Variants in ITSN2 observed in about 807,000 individuals in gnomAD.
ITSN2 encodes intersectin 2.
A neutral mutation model predicts 243.7 loss-of-function variants in ITSN2; 156 were observed. That is an observed-to-expected ratio of 0.64 (90% CI 0.56 to 0.73). The LOEUF is 0.73. ITSN2 is among the 30% of genes least tolerant of loss of function. The pLI, the probability that ITSN2 is intolerant of heterozygous loss-of-function variation, is 0.00. For synonymous variants in ITSN2, 703 were observed against 699.9 expected (o/e 1.00, Z -0.07); for missense variants, 1,801 against 1,996.1 (o/e 0.90, Z 1.86).
intron 16 of ITSN2, among the ~76,000 whole-genome samples, chr2:24,285,211 G>T (rs946182464): frequency 2.0e-5 from 3 of 152,068 alleles, no homozygotes; most frequent in African/African-American, 7.2e-5. Flanking sequence ...ATTTTTTAAA[G>T]AAATAATATA....
chr2:24,289,463 A>G (rs558854173), intron 15 of ITSN2, among the ~76,000 whole-genome samples: 1 of 152,300 alleles, frequency 6.6e-6, no homozygotes, highest in East Asian at 1.9e-4. Flanking sequence ...GTGTCCTACA[A>G]CTTTACTCAA....
chr2:24,216,001 C>T (rs1453329420), intron 32 of ITSN2, 48 bp downstream of exon 32: 2 of 1,457,276 alleles, frequency 1.4e-6, no homozygotes, highest in Non-Finnish European at 1.9e-6. Context: ...GTGCTGTTGC[C>T]TCCAGCCTCA....
At chr2:24,287,192 T>C (rs1420374097) in intron 15 of ITSN2, among the ~76,000 whole-genome samples, 1 of 150,084 alleles carries the variant, frequency 6.7e-6, no homozygotes, top group Non-Finnish European at 1.5e-5. Context: ...GCTATGCAAC[T>C]TGTTTTCAAT....
intron 1 of ITSN2, among the ~76,000 whole-genome samples, chr2:24,351,944 G>T (rs936422276): frequency 6.6e-6 from 1 of 151,896 alleles, no homozygotes; most frequent in African/African-American, 2.4e-5. Flanking sequence ...AATATAGAAG[G>T]GAAAAAATTG....
chr2:24,286,476 A>T (rs983029301), intron 15 of ITSN2, 125 bp from the exon 16 acceptor site: 4 of 719,806 alleles, frequency 5.6e-6, no homozygotes, highest in Non-Finnish European at 9.6e-6. Flanking sequence ...CACAATGCAG[A>T]CCAGTACAAG....
intron 33 of ITSN2, 30 bp from the exon 34 acceptor site, chr2:24,210,977 G>A (rs372639086): frequency 1.2e-6 from 2 of 1,610,072 alleles, no homozygotes; most frequent in East Asian, 2.2e-5. Context: ...GTCACATGGG[G>A]GAGCTGCGTC....
intron 1 of ITSN2, among the ~76,000 whole-genome samples, chr2:24,337,533 G>A (rs1191592395): frequency 1.4e-5 from 2 of 147,960 alleles, no homozygotes; most frequent in Non-Finnish European, 3.0e-5. Context: ...TGTATTTTTA[G>A]TAAAGACGGG....
Position 24,328,053 on chromosome 2 carries a change from A to G in ITSN2, c.30T>C (p.Asn10=). ...TGCCACAAGCACAAAGCTGCTTACC[A>G]TTCATAGCTGTGGGAAACTGAGCCA... The part of the protein sequence containing the change: MMAQFPTAM[N]GGPNMWAITS... Residue 10 remains asparagine, a splice_region_variant and synonymous_variant, in exon 2 of 40, where the codon AAT becomes AAC. Coordinates refer to ENST00000355123, the MANE Select transcript of ITSN2 (RefSeq NM_006277.3). 6.2e-7 allele frequency: 1 copy of G among 1,613,462 alleles called. No homozygotes were observed. The highest frequency in any genetic ancestry group is 8.5e-7 in the Non-Finnish European group (1 of 1,179,756).
Position 24,204,549 on chromosome 2 carries a change from C to CA in ITSN2, c.4763-132_4763-131insT. 1.4e-5 allele frequency: 11 copies of CA among 805,748 alleles called. No individual in the cohort carries two copies. Among genetic ancestry groups the CA allele is most frequent in the East Asian group, 2.5e-5 (1 of 39,398 alleles). 49.9% of individuals were successfully genotyped at this position (805,748 alleles called of 1,614,324 possible). ...AGACCATGGCAGCAGGAGCCGCTGC[C>CA]TGGGGCACCATATCCCTGTGGTCTA... On this transcript the variant is annotated intron_variant, in intron 38 of 39. Coordinates refer to ENST00000355123, the MANE Select transcript of ITSN2 (RefSeq NM_006277.3). This position sits in a 1 kb window ranked among gnomAD's most constrained non-coding sequence, Gnocchi z 5.1.
At chr2:24,206,292 A>AT (rs1558420142) in intron 37 of ITSN2, 3 of 433,358 alleles carry the variant, frequency 6.9e-6, no homozygotes, top group African/African-American at 4.2e-5. Flanking sequence ...AAAAAAACAC[A>AT]TAAAGAGCTG....
At chr2:24,208,810 C>T (rs942679557) in intron 36 of ITSN2, among the ~76,000 whole-genome samples, 1 of 152,200 alleles carries the variant, frequency 6.6e-6, no homozygotes, top group South Asian at 2.1e-4. Context: ...AGTGGGCTGT[C>T]GCCTGCGGGC....
intron 1 of ITSN2, among the ~76,000 whole-genome samples, chr2:24,353,340 A>C (rs1051864748): frequency 1.9e-4 from 29 of 152,352 alleles, no homozygotes; most frequent in African/African-American, 5.8e-4. Context: ...TCATGCCTGT[A>C]ATCCCAGCAC....
At chr2:24,357,964 G>T (rs2151961460) in intron 1 of ITSN2, among the ~76,000 whole-genome samples, 1 of 152,198 alleles carries the variant, frequency 6.6e-6, no homozygotes, top group South Asian at 2.1e-4. Flanking sequence ...GCCTAGGCTG[G>T]AGTGCAGTGG....
chr2:24,232,952 A>G (rs1303431247), intron 29 of ITSN2, among the ~76,000 whole-genome samples: 1 of 152,240 alleles, frequency 6.6e-6, no homozygotes, highest in African/African-American at 2.4e-5. Flanking sequence ...CAAAGCAATG[A>G]AAAAGCAAAC....
At chr2:24,291,745 C>T (rs1176139886) in intron 15 of ITSN2, among the ~76,000 whole-genome samples, 1 of 152,208 alleles carries the variant, frequency 6.6e-6, no homozygotes, top group Admixed American at 6.5e-5. Flanking sequence ...GCCTTGGCCT[C>T]CCAAAGTGCT....
intron 29 of ITSN2, chr2:24,221,361 T>C (rs1670436119): frequency 3.3e-6 from 1 of 298,616 alleles, no homozygotes; most frequent in Non-Finnish European, 6.2e-6. Flanking sequence ...CCTCAAGACA[T>C]TTTTCGAAGT....
chr2:24,286,129 C>A, intron 16 of ITSN2, 83 bp downstream of exon 16: 1 of 750,414 alleles, frequency 1.3e-6, no homozygotes, highest in Non-Finnish European at 2.2e-6. Flanking sequence ...CATATAATAG[C>A]TTTAGCTATT....
At chr2:24,326,158 A>G (rs1223493012) in intron 2 of ITSN2, among the ~76,000 whole-genome samples, 2 of 152,226 alleles carry the variant, frequency 1.3e-5, no homozygotes, top group Non-Finnish European at 2.9e-5. Context: ...GGAAGGTACC[A>G]CAGTCTACAT....
At chr2:24,333,552 G>A (rs1391473877) in intron 1 of ITSN2, among the ~76,000 whole-genome samples, 4 of 152,180 alleles carry the variant, frequency 2.6e-5, no homozygotes, top group African/African-American at 9.7e-5. Context: ...AATACTGTTA[G>A]TTATGTATGG....
Sources: allele counts gnomAD v4.1 joint callset (sites outside exome capture counted in the v4.1 genomes callset), GRCh38; gene constraint gnomAD v4.1.1; non-coding constraint Gnocchi (gnomAD v3.1); transcripts MANE v1.5; gene names NCBI Gene and HGNC (gene_info 2026-07-23, HGNC 2026-07-21).